The following SEZ6L variants were observed in gnomAD, a reference collection of about 807,000 sequenced individuals.
The protein encoded by SEZ6L is seizure 6-like protein.
Under a neutral mutation model 106.2 loss-of-function variants are expected in SEZ6L, and 37 were observed. The ratio of observed to expected loss-of-function variants is 0.35; its 90% CI spans 0.27 to 0.46. The LOEUF is 0.46. Among genes scored for constraint, SEZ6L ranks in the 20% least tolerant of loss-of-function variants. The pLI, the probability that SEZ6L is intolerant of heterozygous loss-of-function variation, is 1.00. For synonymous variants in SEZ6L, 541 were observed against 570.4 expected (o/e 0.95, Z 0.73); for missense variants, 1,172 against 1,332.8 (o/e 0.88, Z 1.88).
At chr22:26,228,414 G>T (rs960551118) in intron 1 of SEZ6L, among the ~76,000 whole-genome samples, 6 of 152,080 alleles carry the variant, frequency 3.9e-5, no homozygotes, top group African/African-American at 1.4e-4. Context: ...CCTGCCCCCT[G>T]CCCCAATGTC....
At chr22:26,181,549 G>A (rs1419106082) in intron 1 of SEZ6L, among the ~76,000 whole-genome samples, 1 of 152,196 alleles carries the variant, frequency 6.6e-6, no homozygotes, top group Non-Finnish European at 1.5e-5. Flanking sequence ...AGTTTTTGTT[G>A]TTGTTGCTAT....
rs1304316013 is a variant in SEZ6L, at chr22:26,169,746, C to A, written c.77C>A (p.Ala26Glu). The A allele has an allele frequency of 1.6e-6, 2 of 1,259,872 alleles. No homozygotes were observed. Among genetic ancestry groups the A allele is most frequent in the Non-Finnish European group, 2.0e-6 (2 of 1,003,374 alleles). The allele number at this position is 1,259,872 out of a possible 1,614,324, so 78.0% of individuals were successfully genotyped here. A position where few individuals can be genotyped will look rare whatever the true frequency, so the allele number is the denominator to read the frequency against. ...CTCGCTCTGCTCCTGGGGAGCCCGG[C>A]GGCAGCGCTGGAGCGAGGTAAGCGC... ...LFLALLLGSP[A>E]AALERDALPE... is the part of the protein sequence containing the mutation. The change falls in exon 1 of 17, where the codon GCG (alanine) becomes GAG (glutamate). Residue 26 changes from alanine to glutamate, a missense_variant. Coordinates refer to ENST00000248933, the MANE Select transcript of SEZ6L (RefSeq NM_021115.5).
chr22:26,215,975 C>T (rs968391443), intron 1 of SEZ6L, among the ~76,000 whole-genome samples: 20 of 152,290 alleles, frequency 1.3e-4, no homozygotes, highest in African/African-American at 4.1e-4. Flanking sequence ...GCAGAGGTCC[C>T]GGATGCTCCT....
chr22:26,262,693 G>C (rs1182513159), intron 1 of SEZ6L, among the ~76,000 whole-genome samples: 1 of 152,166 alleles, frequency 6.6e-6, no homozygotes, highest in East Asian at 1.9e-4. Context: ...CTGAAATCCA[G>C]GTAAGAAAGA....
chr22:26,177,668 G>A (rs758796335), intron 1 of SEZ6L, among the ~76,000 whole-genome samples: 1 of 152,112 alleles, frequency 6.6e-6, no homozygotes, highest in Non-Finnish European at 1.5e-5. Flanking sequence ...TATTAGATGT[G>A]TATCCTTAGT....
At chr22:26,226,934 AGAG>A (rs2078651691) in intron 1 of SEZ6L, among the ~76,000 whole-genome samples, 1 of 152,198 alleles carries the variant, frequency 6.6e-6, no homozygotes, top group Non-Finnish European at 1.5e-5. Context: ...GAGAGCAGAA[AGAG>A]GAGCTGGGGT....
intron 1 of SEZ6L, among the ~76,000 whole-genome samples, chr22:26,205,229 C>T (rs909708675): frequency 2.0e-5 from 3 of 152,240 alleles, no homozygotes; most frequent in African/African-American, 7.2e-5. Context: ...CAATTACCAA[C>T]GCCTTCCTGG....
chr22:26,370,340 G>C (rs987671021), intron 13 of SEZ6L, among the ~76,000 whole-genome samples: 1 of 151,960 alleles, frequency 6.6e-6, no homozygotes, highest in Non-Finnish European at 1.5e-5. Flanking sequence ...AGCTGAGATC[G>C]AGCCACTGCA....
intron 5 of SEZ6L, among the ~76,000 whole-genome samples, chr22:26,300,424 G>C (rs1349712284): frequency 1.3e-5 from 2 of 151,946 alleles, no homozygotes; most frequent in African/African-American, 4.8e-5. Context: ...TTGTCCTTGC[G>C]ACAGTTTGCT....
At chr22:26,302,071 G>A (rs1438049684) in intron 5 of SEZ6L, among the ~76,000 whole-genome samples, 2 of 152,282 alleles carry the variant, frequency 1.3e-5, no homozygotes, top group East Asian at 1.9e-4. Flanking sequence ...TGAACTCAGG[G>A]AGATAAGATT....
At chr22:26,358,026 C>T (rs2083494081) in intron 12 of SEZ6L, among the ~76,000 whole-genome samples, 1 of 152,192 alleles carries the variant, frequency 6.6e-6, no homozygotes, top group African/African-American at 2.4e-5. Flanking sequence ...ACAGGGATTT[C>T]CCAGCCTGGA....
chr22:26,194,257 G>A (rs1172449068), intron 1 of SEZ6L, among the ~76,000 whole-genome samples: 1 of 152,116 alleles, frequency 6.6e-6, no homozygotes, highest in Admixed American at 6.5e-5. Flanking sequence ...GAAGCCCTTG[G>A]TGCCATTACA....
At chr22:26,217,772 C>G (rs141972238) in intron 1 of SEZ6L, among the ~76,000 whole-genome samples, 18 of 152,364 alleles carry the variant, frequency 1.2e-4, no homozygotes, top group Middle Eastern at 3.4e-3. Flanking sequence ...TGGGACTCCT[C>G]CTCCTCAAGG....
chr22:26,241,313 C>G (rs551653025), intron 1 of SEZ6L: 2 of 152,320 alleles, frequency 1.3e-5, no homozygotes, highest in South Asian at 4.1e-4. Context: ...GCTTGCTACC[C>G]TCGCTGGTTT....
At position 26,221,737 on chromosome 22, in the gene SEZ6L, C is replaced by T. The variant is rs553133269; in HGVS notation, c.94+51974C>T. Among the ~76,000 whole-genome samples, 279 of 134,112 alleles carry T rather than the reference C, an allele frequency of 2.1e-3. 2 individuals carry two copies. The highest frequency in any genetic ancestry group is 3.6e-3 in the Non-Finnish European group (228 of 63,650). 88.0% of individuals were successfully genotyped at this position (134,112 alleles called of 152,430 possible). A position where few individuals can be genotyped will look rare whatever the true frequency, so the allele number is the denominator to read the frequency against. ...ACCTGAATTCATGCGCGTGCACACG[C>T]GTGCACACACACACACACACACACA... is the stretch of plus-strand genomic sequence containing the variant. On this transcript the variant is annotated intron_variant, in intron 1 of 16. Transcript: ENST00000248933.
intron 1 of SEZ6L, among the ~76,000 whole-genome samples, chr22:26,205,815 C>A (rs772318881): frequency 5.9e-5 from 9 of 151,940 alleles, no homozygotes; most frequent in Non-Finnish European, 1.0e-4. Context: ...GAGAATGAAT[C>A]TTTTTTTTCT....
intron 1 of SEZ6L, among the ~76,000 whole-genome samples, chr22:26,184,012 T>C (rs1231452744): frequency 6.6e-6 from 1 of 152,150 alleles, no homozygotes; most frequent in Non-Finnish European, 1.5e-5. Flanking sequence ...TTACTTCTGT[T>C]TTTCAGCAAA....
At chr22:26,237,606 T>C (rs1174523654) in intron 1 of SEZ6L, among the ~76,000 whole-genome samples, 4 of 152,244 alleles carry the variant, frequency 2.6e-5, no homozygotes, top group Non-Finnish European at 4.4e-5. Context: ...TCTTATTGTT[T>C]TACTAAAACC....
rs543382937 is a variant in SEZ6L, at chr22:26,236,600, C to A, written c.95-55806C>A. ...TTCAAAAAGTTGGTTATAGACTAAA[C>A]CACCAGTTTCAAATCTGGGGTCCCC... is the stretch of plus-strand genomic sequence containing the variant. On this transcript the variant is annotated intron_variant, in intron 1 of 16. Transcript: ENST00000248933. 2.6e-5 allele frequency among the ~76,000 whole-genome samples: 4 copies of A among 152,228 alleles called. No individual in the cohort carries two copies. In the East Asian group the frequency reaches 7.7e-4, roughly 29 times the overall value.
Sources: gnomAD v4.1 joint callset for allele counts (sites outside exome capture counted in the v4.1 genomes callset) on GRCh38, gnomAD v4.1.1 for gene constraint, MANE v1.5 for transcripts, NCBI Gene and HGNC (gene_info 2026-07-23, HGNC 2026-07-21) for gene names.